The following PTPRD variants were observed in gnomAD, a reference collection of about 807,000 sequenced individuals.
The protein encoded by PTPRD is protein tyrosine phosphatase receptor type D, also known as receptor-type tyrosine-protein phosphatase delta.
PTPRD carries 34 observed loss-of-function variants against 214.5 expected under a neutral mutation model. The ratio of observed to expected loss-of-function variants is 0.16; its 90% confidence interval spans 0.12 to 0.21. The LOEUF is 0.21. Among genes scored for constraint, PTPRD ranks in the 10% least tolerant of loss-of-function variants. PTPRD has a pLI of 1.00. For missense variants in PTPRD, 2,545 were observed against 2,398.7 expected, an observed-to-expected ratio of 1.06 and a Z score of -1.27; for synonymous variants, 1,128 against 845.7, an observed-to-expected ratio of 1.33 and a Z score of -5.79.
intron 12 of PTPRD, 58 bp downstream of exon 12, chr9:8,733,722 T>C (rs574513893): frequency 6.5e-7 from 1 of 1,534,490 alleles, no homozygotes; most frequent in Non-Finnish European, 8.8e-7. Flanking sequence ...TGGTGCCAAC[T>C]GCAAACAAAA....
intron 10 of PTPRD, among the ~76,000 whole-genome samples, chr9:9,182,236 G>A (rs914849185): frequency 6.6e-6 from 1 of 151,958 alleles, no homozygotes; most frequent in Non-Finnish European, 1.5e-5. Context: ...GATTTCTGAA[G>A]GACCTTTGTG....
At chr9:10,316,673 C>A (rs1354517865) in intron 3 of PTPRD, among the ~76,000 whole-genome samples, 1 of 151,832 alleles carries the variant, frequency 6.6e-6, no homozygotes, top group Non-Finnish European at 1.5e-5. Flanking sequence ...TTTTAATGTA[C>A]CTTTTCTGAC....
chr9:8,502,852 AT>A (rs1563890387), intron 23 of PTPRD, among the ~76,000 whole-genome samples: 2 of 150,160 alleles, frequency 1.3e-5, no homozygotes, highest in African/African-American at 4.9e-5. Context: ...GTGTGTGTAT[AT>A]ATATATATAT....
At chr9:8,509,880 C>G (rs16928072) in intron 21 of PTPRD, among the ~76,000 whole-genome samples, 1 of 152,086 alleles carries the variant, frequency 6.6e-6, no homozygotes, top group Middle Eastern at 3.4e-3. Flanking sequence ...GTTGGCTAGA[C>G]GACTTGATGC....
chr9:8,970,558 A>C (rs2154331593), intron 11 of PTPRD, among the ~76,000 whole-genome samples: 1 of 151,960 alleles, frequency 6.6e-6, no homozygotes, highest in Admixed American at 6.6e-5. Flanking sequence ...GACAGCAAAA[A>C]GAGACAAGGA....
intron 9 of PTPRD, among the ~76,000 whole-genome samples, chr9:9,350,348 G>A (rs1186090173): frequency 2.0e-5 from 3 of 152,082 alleles, no homozygotes; most frequent in Non-Finnish European, 4.4e-5. Flanking sequence ...GCATACAAAT[G>A]TTATTCCTGG....
chr9:8,522,245 C>G (rs563565546), intron 19 of PTPRD, among the ~76,000 whole-genome samples: 16 of 152,042 alleles, frequency 1.1e-4, no homozygotes, highest in Admixed American at 5.2e-4. Flanking sequence ...TCTCAAGGCC[C>G]GTGCTAAGGA....
chr9:8,565,087 G>A (rs981063367), intron 14 of PTPRD, among the ~76,000 whole-genome samples: 3 of 152,058 alleles, frequency 2.0e-5, no homozygotes, highest in South Asian at 4.1e-4. Context: ...ACTCAATGAC[G>A]GGGAGAGACG....
chr9:8,548,999 G>T (rs2081186045), intron 14 of PTPRD, among the ~76,000 whole-genome samples: 1 of 151,956 alleles, frequency 6.6e-6, no homozygotes, highest in African/African-American at 2.4e-5. Flanking sequence ...GCCACAGCTG[G>T]ATATTTTGAA....
intron 8 of PTPRD, among the ~76,000 whole-genome samples, chr9:9,478,116 G>A (rs952611705): frequency 7.1e-6 from 1 of 140,830 alleles, no homozygotes; most frequent in African/African-American, 2.6e-5. Flanking sequence ...TTTAGATTAT[G>A]CGTAAACCTT....
chr9:9,573,538 C>G (rs915724639), intron 8 of PTPRD, among the ~76,000 whole-genome samples: 1 of 151,524 alleles, frequency 6.6e-6, no homozygotes, highest in African/African-American at 2.4e-5. Context: ...AATTAAAACA[C>G]TGGAGATAAT....
At chr9:10,055,680 T>C (rs2097621638) in intron 3 of PTPRD, among the ~76,000 whole-genome samples, 1 of 152,188 alleles carries the variant, frequency 6.6e-6, no homozygotes, top group Non-Finnish European at 1.5e-5. Context: ...TGTGTATATA[T>C]ACTGAATTAT....
intron 10 of PTPRD, among the ~76,000 whole-genome samples, chr9:9,131,009 GA>G (rs1249726819): frequency 6.6e-6 from 1 of 151,856 alleles, no homozygotes; most frequent in African/African-American, 2.4e-5. Context: ...TCTAATACAA[GA>G]TTTTTTTAAA....
chr9:8,904,990 G>T (rs1296830293), intron 11 of PTPRD, among the ~76,000 whole-genome samples: 1 of 152,272 alleles, frequency 6.6e-6, no homozygotes, highest in African/African-American at 2.4e-5. Flanking sequence ...TGGCAAGATT[G>T]TAAGAAAATA....
At chr9:9,040,921 A>G (rs2099637632) in intron 10 of PTPRD, among the ~76,000 whole-genome samples, 1 of 152,178 alleles carries the variant, frequency 6.6e-6, no homozygotes, top group Non-Finnish European at 1.5e-5. Flanking sequence ...TTTTAGAAAC[A>G]GAACTGGTCC....
intron 3 of PTPRD, among the ~76,000 whole-genome samples, chr9:10,297,957 C>T (rs1199948043): frequency 6.6e-6 from 1 of 152,026 alleles, no homozygotes; most frequent in African/African-American, 2.4e-5. Context: ...TCTAAAGCAA[C>T]ACGTCTAAGG....
chr9:8,325,912 T>A lies in PTPRD; in HGVS notation c.5534+5670A>T, dbSNP rs189495095. 3.5e-3 allele frequency among the ~76,000 whole-genome samples: 532 copies of A among 152,306 alleles called. 4 individuals carry two copies. The highest frequency in any genetic ancestry group is 6.1e-3 in the Admixed American group (94 of 15,300). ...TAGGAATGCTTGTGATTTTTGCACA[T>A]TGATTTTGTATCCTGAGACTTTCCT... On this transcript the variant is annotated intron_variant, in intron 44 of 45. Transcript: ENST00000381196.
intron 14 of PTPRD, among the ~76,000 whole-genome samples, chr9:8,610,876 C>T (rs555690886): frequency 1.3e-5 from 2 of 152,178 alleles, no homozygotes; most frequent in African/African-American, 4.8e-5. Flanking sequence ...CAACAACAAG[C>T]CCCAGAAAAA....
intron 3 of PTPRD, among the ~76,000 whole-genome samples, chr9:10,303,465 A>C (rs1454340257): frequency 2.6e-5 from 4 of 152,166 alleles, no homozygotes; most frequent in African/African-American, 9.7e-5. Context: ...AAAATAAATT[A>C]ATCCAGGAGC....
Sources: gnomAD v4.1 joint callset for allele counts (sites outside exome capture counted in the v4.1 genomes callset) on GRCh38, gnomAD v4.1.1 for gene constraint, MANE v1.5 for transcripts, NCBI Gene and HGNC (gene_info 2026-07-23, HGNC 2026-07-21) for gene names.